The following SLC35F1 variants were observed in gnomAD, a reference collection of about 807,000 sequenced individuals.
The protein encoded by SLC35F1 is chromosome 6 open reading frame 169.
Under a neutral mutation model 48.7 loss-of-function variants are expected in SLC35F1, and 14 were observed. The observed-to-expected ratio is 0.29, with a 90% CI of 0.19 to 0.45. The LOEUF is 0.45. Among genes scored for constraint, SLC35F1 ranks in the 20% least tolerant of loss-of-function variants. The pLI is 1.00. For synonymous variants in SLC35F1, 190 were observed against 202.2 expected, an observed-to-expected ratio of 0.94 and a Z score of 0.51; for missense variants, 404 against 500.0, an observed-to-expected ratio of 0.81 and a Z score of 1.83.
At chr6:117,977,509 G>A (rs1776721268) in intron 1 of SLC35F1, among the ~76,000 whole-genome samples, 1 of 151,868 alleles carries the variant, frequency 6.6e-6, no homozygotes. Context: ...TTGATTCCTA[G>A]GGAAGTTAGC....
At chr6:118,186,280 A>G (rs1011625313) in intron 2 of SLC35F1, among the ~76,000 whole-genome samples, 1 of 151,850 alleles carries the variant, frequency 6.6e-6, no homozygotes, top group African/African-American at 2.4e-5. Flanking sequence ...GTTCCATTGT[A>G]CCCCCAAGCC....
intron 1 of SLC35F1, among the ~76,000 whole-genome samples, chr6:118,058,261 C>T (rs1000361942): frequency 6.6e-6 from 1 of 152,036 alleles, no homozygotes; most frequent in African/African-American, 2.4e-5. Context: ...TTTTAGATTT[C>T]TCTTTCCTCC....
At chr6:117,923,622 T>TGTAC (rs1562238512) in intron 1 of SLC35F1, among the ~76,000 whole-genome samples, 1 of 20,310 alleles carries the variant, frequency 4.9e-5, no homozygotes. Context: ...TACATATGTA[T>TGTAC]ATATACATAT....
At chr6:118,013,453 A>T (rs1777278175) in intron 1 of SLC35F1, among the ~76,000 whole-genome samples, 1 of 152,202 alleles carries the variant, frequency 6.6e-6, no homozygotes, top group Non-Finnish European at 1.5e-5. Flanking sequence ...GAGAAACCAC[A>T]ATATTTTCAA....
At chr6:118,293,151 G>C (rs1435653045) in intron 7 of SLC35F1, among the ~76,000 whole-genome samples, 1 of 152,104 alleles carries the variant, frequency 6.6e-6, no homozygotes, top group Non-Finnish European at 1.5e-5. Flanking sequence ...TGTTGAAATT[G>C]AAAGGGTGTT....
At chr6:117,951,316 T>C (rs940526699) in intron 1 of SLC35F1, among the ~76,000 whole-genome samples, 3 of 151,250 alleles carry the variant, frequency 2.0e-5, no homozygotes, top group Non-Finnish European at 4.4e-5. Context: ...GAGTAAAGAG[T>C]TTTCTGCTGT....
chr6:117,993,138 T>A (rs1016003319), intron 1 of SLC35F1, among the ~76,000 whole-genome samples: 19 of 152,230 alleles, frequency 1.2e-4, no homozygotes, highest in Admixed American at 9.8e-4. Flanking sequence ...AATGAGCCAA[T>A]CCATAGAAAC....
intron 1 of SLC35F1, among the ~76,000 whole-genome samples, chr6:117,954,449 G>A (rs1309411559): frequency 2.6e-5 from 4 of 152,028 alleles, no homozygotes; most frequent in African/African-American, 9.7e-5. Context: ...AACAGAGATG[G>A]GGTTTTACCA....
chr6:117,965,341 C>A (rs141786060), intron 1 of SLC35F1, among the ~76,000 whole-genome samples: 1 of 152,306 alleles, frequency 6.6e-6, no homozygotes, highest in East Asian at 1.9e-4. Flanking sequence ...TTGCCCTCAA[C>A]CAAGTGGTAG....
chr6:117,984,336 A>G (rs908839822), intron 1 of SLC35F1, among the ~76,000 whole-genome samples: 3 of 152,054 alleles, frequency 2.0e-5, no homozygotes, highest in South Asian at 4.1e-4. Flanking sequence ...TGTCTCTACT[A>G]AAAATACAAA....
intron 1 of SLC35F1, among the ~76,000 whole-genome samples, chr6:117,958,960 G>A (rs139807166): frequency 2.4e-3 from 358 of 152,228 alleles, no homozygotes; most frequent in Non-Finnish European, 4.5e-3. Flanking sequence ...TGTTGTTACC[G>A]TAACTGTGGA....
chr6:118,172,866 T>G (rs1774427059), intron 2 of SLC35F1, among the ~76,000 whole-genome samples: 1 of 152,152 alleles, frequency 6.6e-6, no homozygotes, highest in African/African-American at 2.4e-5. Context: ...ACTAGTATAT[T>G]TCAGGATGAA....
At chr6:117,931,147 C>T (rs1776096456) in intron 1 of SLC35F1, among the ~76,000 whole-genome samples, 1 of 152,066 alleles carries the variant, frequency 6.6e-6, no homozygotes. Flanking sequence ...AGGAGGTTAC[C>T]ACACCCTATT....
intron 1 of SLC35F1, among the ~76,000 whole-genome samples, chr6:118,056,871 G>A (rs1056594221): frequency 1.3e-4 from 20 of 152,054 alleles, no homozygotes; most frequent in African/African-American, 4.6e-4. Context: ...AAACAAAAAG[G>A]TTAAGAATGA....
intron 1 of SLC35F1, among the ~76,000 whole-genome samples, chr6:117,943,449 C>T (rs1467869694): frequency 6.6e-6 from 1 of 152,130 alleles, no homozygotes; most frequent in Non-Finnish European, 1.5e-5. Context: ...AAAAAACTAA[C>T]AAATTTAATG....
At chr6:117,926,798 G>C (rs971368704) in intron 1 of SLC35F1, among the ~76,000 whole-genome samples, 7 of 152,238 alleles carry the variant, frequency 4.6e-5, no homozygotes, top group Admixed American at 1.3e-4. Flanking sequence ...AAGCAGAAAA[G>C]TAACATGACT....
At chr6:118,225,752 T>C (rs982792766) in intron 2 of SLC35F1, among the ~76,000 whole-genome samples, 1 of 151,904 alleles carries the variant, frequency 6.6e-6, no homozygotes, top group Non-Finnish European at 1.5e-5. Flanking sequence ...GGCAGGCGCC[T>C]GTAGTCCCAG....
intron 4 of SLC35F1, among the ~76,000 whole-genome samples, chr6:118,271,297 A>G (rs1408206307): frequency 6.6e-6 from 1 of 152,170 alleles, no homozygotes; most frequent in Non-Finnish European, 1.5e-5. Flanking sequence ...CCAGATATGA[A>G]ATTTAGCCAT....
In SLC35F1 at chr6:118,275,439, T is replaced by C. The variant is rs920341839; in HGVS notation, c.638-20T>C. 7 of 1,597,196 alleles carry C rather than the reference T, an allele frequency of 4.4e-6. No individual in the cohort carries two copies. Among genetic ancestry groups the C allele is most frequent in the Admixed American group, 1.8e-5 (1 of 56,952 alleles). The stretch of plus-strand genomic sequence containing the variant: ...GTTTTAATGATGCTCCCTCTGTTTG[T>C]TTGTTTGGTTGGTTCCTAGGGGAAA... On this transcript the variant is annotated intron_variant, in intron 4 of 7. Coordinates refer to ENST00000360388, the MANE Select transcript of SLC35F1 (RefSeq NM_001029858.4).
Sources: gnomAD v4.1 joint callset for allele counts (sites outside exome capture counted in the v4.1 genomes callset) on GRCh38, gnomAD v4.1.1 for gene constraint, MANE v1.5 for transcripts, NCBI Gene and HGNC (gene_info 2026-07-23, HGNC 2026-07-21) for gene names.